PRDM16: variants seen among roughly 807,000 people sequenced by gnomAD.
PRDM16 encodes the protein histone-lysine N-methyltransferase PRDM16.
A neutral mutation model predicts 110.6 loss-of-function variants in PRDM16; 23 were observed. That is an observed-to-expected ratio of 0.21 (90% CI 0.15 to 0.29). The LOEUF is 0.29. Ranked by LOEUF, PRDM16 falls within the 10% of genes least tolerant of loss-of-function variation. PRDM16 has a pLI of 1.00. For missense variants in PRDM16, 1,615 were observed against 1,794.3 expected (o/e 0.90, Z 1.81); for synonymous variants, 799 against 781.8 (o/e 1.02, Z -0.37).
chr1:3,144,864 G>A lies in PRDM16; in HGVS notation c.38-41261G>A, dbSNP rs889186333. ...GGGTCAGGGGGCCCTTCTGCTCTTG[G>A]CCACCAGGTAAGGGTTGGGCTGGCA... On this transcript the variant is annotated intron_variant, in intron 1 of 16. Transcript: ENST00000270722. 8.5e-5 allele frequency among the ~76,000 whole-genome samples: 13 copies of A among 152,286 alleles called. No individual in the cohort carries two copies. In the East Asian group the frequency reaches 2.5e-3, roughly 29 times the overall value.
At chr1:3,102,182 G>A (rs956921704) in intron 1 of PRDM16, among the ~76,000 whole-genome samples, 2 of 152,198 alleles carry the variant, frequency 1.3e-5, no homozygotes, top group Non-Finnish European at 2.9e-5. Context: ...AGGGTGGGCA[G>A]TGAGTCCAGC....
chr1:3,436,365 C>T lies in PRDM16; in HGVS notation c.*2554C>T, dbSNP rs1033731539. The T allele has an allele frequency of 1.7e-5, 4 of 230,406 alleles. No individual in the cohort carries two copies. Among genetic ancestry groups the T allele is most frequent in the Admixed American group, 5.7e-5 (1 of 17,676 alleles). 14.3% of individuals were successfully genotyped at this position (230,406 alleles called of 1,614,324 possible). A position where few individuals can be genotyped will look rare whatever the true frequency, so the allele number is the denominator to read the frequency against. On this transcript the variant is annotated 3_prime_UTR_variant, in exon 17 of 17. Coordinates refer to ENST00000270722, the MANE Select transcript of PRDM16 (RefSeq NM_022114.4). ...CGCCGTTTTCGGCTGTCTTCCTAAC[C>T]GTCCTGTCTTCTCTTGGCGCTCTTT...
rs554490104 is a variant in PRDM16, at chr1:3,302,998, A to C, written c.438+58861A>C. Among the ~76,000 whole-genome samples the C allele has an allele frequency of 9.2e-5, 14 of 152,342 alleles. No individual in the cohort carries two copies. In the South Asian group the frequency reaches 2.9e-3, roughly 32 times the overall value. ...TATAATGAGGCTCAACTGTATAAATAAAAACCTATATAATATATATCAGTT... is the reference window on the plus strand; with the variant it reads ...TATAATGAGGCTCAACTGTATAAATCAAAACCTATATAATATATATCAGTT... On this transcript the variant is annotated intron_variant, in intron 3 of 16. Coordinates refer to ENST00000270722, the MANE Select transcript of PRDM16 (RefSeq NM_022114.4).
At chr1:3,141,990 A>G (rs942309207) in intron 1 of PRDM16, among the ~76,000 whole-genome samples, 4 of 152,214 alleles carry the variant, frequency 2.6e-5, no homozygotes, top group African/African-American at 9.6e-5. Flanking sequence ...GTTTCCGAAA[A>G]CGTGGGGCCG....
chr1:3,077,488 G>A (rs545299015), intron 1 of PRDM16, among the ~76,000 whole-genome samples: 8 of 152,238 alleles, frequency 5.3e-5, no homozygotes, highest in South Asian at 4.1e-4. Flanking sequence ...GTGTGCACTC[G>A]TGTGAACCTG....
Position 3,206,275 on chromosome 1 carries a change from C to G in PRDM16, c.387+19801C>G, listed in dbSNP as rs1266726327. 6.6e-6 allele frequency: 1 copy of G among 152,318 alleles called. No homozygotes were observed. The highest frequency in any genetic ancestry group is 1.5e-5 in the Non-Finnish European group (1 of 68,110). 9.4% of individuals were successfully genotyped at this position (152,318 alleles called of 1,614,324 possible). ...TGAACCACCCACAGAGGGCCCTTTC[C>G]CAGAGAGACCACCAGTGGGCCTGGA... On this transcript the variant is annotated intron_variant, in intron 2 of 16. Coordinates refer to ENST00000270722, the MANE Select transcript of PRDM16 (RefSeq NM_022114.4). The surrounding 1 kb of genome is among the most constrained non-coding windows in gnomAD (Gnocchi z 4.9).
intron 2 of PRDM16, among the ~76,000 whole-genome samples, chr1:3,234,733 A>G (rs979605328): frequency 1.3e-5 from 2 of 152,118 alleles, no homozygotes; most frequent in Non-Finnish European, 2.9e-5. Context: ...GGTAAATTCT[A>G]CAAGGAGAGC....
intron 3 of PRDM16, among the ~76,000 whole-genome samples, chr1:3,348,029 C>T (rs1642396177): frequency 2.0e-5 from 3 of 152,120 alleles, no homozygotes; most frequent in Admixed American, 1.3e-4. Flanking sequence ...AGGCTAGAAC[C>T]GAACTTCTGG....
intron 1 of PRDM16, among the ~76,000 whole-genome samples, chr1:3,128,843 G>A (rs1643266345): frequency 6.6e-6 from 1 of 152,250 alleles, no homozygotes; most frequent in Non-Finnish European, 1.5e-5. Context: ...GCCCTGCTGG[G>A]AGCTGGAACT....
chr1:3,181,161 C>T (rs1317706329), intron 1 of PRDM16, among the ~76,000 whole-genome samples: 4 of 78,408 alleles, frequency 5.1e-5, no homozygotes, highest in Non-Finnish European at 2.8e-5. Flanking sequence ...CAGTCTTACA[C>T]GCGGTCTTAC....
chr1:3,225,573 T>TGTGTGTGTGTGCGCGC (rs1336272072), intron 2 of PRDM16, among the ~76,000 whole-genome samples: 1 of 129,804 alleles, frequency 7.7e-6, no homozygotes, highest in African/African-American at 2.7e-5. Flanking sequence ...TGTGTGTGTG[T>TGTGTGTGTGTGCGCGC]GCGCGCGCGC....
rs764863295 is a variant in PRDM16, at chr1:3,433,726, C to G, written c.3746C>G (p.Pro1249Arg). ...TCCGAAGACACTCCTCTCCACACCC[C>G]CTCCCAGGGTTCTCTGGACGCTTGG... ...SLSEDTPLHTPSQGSLDAWLK... is the reference protein window; with the variant it reads ...SLSEDTPLHTRSQGSLDAWLK... The change falls in exon 17 of 17, where the codon CCC becomes CGC. Residue 1249 changes from proline to arginine, a missense_variant. This residue lies in a region of PRDM16 where 327 missense variants were observed against 359.3 expected (regional missense o/e 0.91). Transcript: ENST00000270722. 2.5e-6 allele frequency: 4 copies of G among 1,613,918 alleles called. No homozygotes were observed. Among genetic ancestry groups the G allele is most frequent in the Admixed American group, 3.3e-5 (2 of 60,006 alleles).
At chr1:3,320,080 A>T (rs1231422315) in intron 3 of PRDM16, among the ~76,000 whole-genome samples, 1 of 152,118 alleles carries the variant, frequency 6.6e-6, no homozygotes, top group Non-Finnish European at 1.5e-5. Context: ...GAAGAGACTT[A>T]CTTCCTTGTT....
At chr1:3,155,618 C>T (rs941720629) in intron 1 of PRDM16, among the ~76,000 whole-genome samples, 2 of 152,292 alleles carry the variant, frequency 1.3e-5, no homozygotes, top group South Asian at 2.1e-4. Flanking sequence ...GCTCCCAGCA[C>T]GGCCGCCGGC....
At chr1:3,236,023 C>T (rs913536638) in intron 2 of PRDM16, among the ~76,000 whole-genome samples, 6 of 152,148 alleles carry the variant, frequency 3.9e-5, no homozygotes, top group Non-Finnish European at 7.4e-5. Flanking sequence ...AACCTGCACT[C>T]TCTCCTCTCT....
At chr1:3,302,508 T>TAAA (rs35595493) in intron 3 of PRDM16, among the ~76,000 whole-genome samples, 72,441 of 151,136 alleles carry the variant, frequency 0.48, 17,801 homozygotes, top group Admixed American at 0.53. Flanking sequence ...ATCCATTTGT[T>TAAA]AAAAAAAAAA....
intron 2 of PRDM16, among the ~76,000 whole-genome samples, chr1:3,236,359 G>A (rs56788035): frequency 0.11 from 17,363 of 152,214 alleles, 1,167 homozygotes; most frequent in African/African-American, 0.2. Context: ...CAGCAGCCTC[G>A]TCCTCTGAGA....
chr1:3,188,612 C>T (rs935830072), intron 2 of PRDM16, among the ~76,000 whole-genome samples: 4 of 152,368 alleles, frequency 2.6e-5, no homozygotes, highest in East Asian at 1.9e-4. Flanking sequence ...ACTCTCCCCC[C>T]GACGCCCTCA....
intron 3 of PRDM16, among the ~76,000 whole-genome samples, chr1:3,311,243 G>A (rs1037414575): frequency 1.4e-4 from 21 of 152,344 alleles, no homozygotes; most frequent in Non-Finnish European, 2.6e-4. Context: ...CCGCCACTCC[G>A]AGGCCGGGTC....
Sources: gnomAD v4.1 joint callset for allele counts (sites outside exome capture counted in the v4.1 genomes callset) on GRCh38, gnomAD v4.1.1 for gene constraint, gnomAD v4.1.1 regional missense constraint, Gnocchi (gnomAD v3.1) non-coding constraint, MANE v1.5 for transcripts, NCBI Gene and HGNC (gene_info 2026-07-23, HGNC 2026-07-21) for gene names.